Variants in TMLHE observed in about 807,000 individuals in gnomAD.
The protein encoded by TMLHE is trimethyllysine hydroxylase, epsilon, also known as trimethyllysine dioxygenase, mitochondrial.
Under a neutral mutation model 25.7 loss-of-function variants are expected in TMLHE, and 18 were observed. That is an observed-to-expected ratio of 0.70 (90% CI 0.48 to 1.04). The LOEUF (loss-of-function observed/expected upper bound fraction) is 1.04, where lower values mean the gene tolerates loss of function less well. Among genes scored for constraint, TMLHE ranks in the 50% least tolerant of loss-of-function variants. TMLHE has a pLI of 0.00. For missense variants in TMLHE, 236 were observed against 259.0 expected (o/e 0.91, Z 0.61); for synonymous variants, 105 against 97.0 (o/e 1.08, Z -0.49).
intron 1 of TMLHE, among the ~76,000 whole-genome samples, chrX:155,576,472 C>G (rs1465946574): frequency 2.7e-5 from 3 of 111,713 alleles, no homozygotes; most frequent in Non-Finnish European, 5.6e-5. Context: ...TCCTATCAAA[C>G]TACCAATGAC....
intron 1 of TMLHE, among the ~76,000 whole-genome samples, chrX:155,559,130 G>A (rs781821099): frequency 2.7e-4 from 30 of 111,011 alleles, no homozygotes; most frequent in Non-Finnish European, 4.7e-4. Context: ...TAATGCCTTC[G>A]ATTACTGAGA....
At chrX:155,555,336 A>G (rs2067443604) in intron 1 of TMLHE, among the ~76,000 whole-genome samples, 1 of 110,667 alleles carries the variant, frequency 9.0e-6, no homozygotes, top group Non-Finnish European at 1.9e-5. Flanking sequence ...TGCAATAAAC[A>G]TATGTGTGCA....
chrX:155,540,031 G>A (rs1484917075), intron 2 of TMLHE, among the ~76,000 whole-genome samples: 1 of 108,452 alleles, frequency 9.2e-6, no homozygotes, highest in Non-Finnish European at 1.9e-5. Flanking sequence ...AGAAAAATGA[G>A]GAGAGCCTAA....
At chrX:155,505,155 A>G (rs1173469946) in intron 6 of TMLHE, among the ~76,000 whole-genome samples, 2 of 111,705 alleles carry the variant, frequency 1.8e-5, no homozygotes, top group Middle Eastern at 4.2e-3. Context: ...TAACTGATGA[A>G]TGAATAGATG....
intron 1 of TMLHE, among the ~76,000 whole-genome samples, chrX:155,549,972 G>A (rs2067403428): frequency 9.1e-6 from 1 of 109,935 alleles, no homozygotes; most frequent in Non-Finnish European, 1.9e-5. Context: ...AGAACACGTG[G>A]TGTTTGGTTT....
chrX:155,555,951 T>A (rs1447109751), intron 1 of TMLHE, among the ~76,000 whole-genome samples: 1 of 110,439 alleles, frequency 9.1e-6, no homozygotes, highest in Non-Finnish European at 1.9e-5. Context: ...TGCCCATGCC[T>A]ATGTCCTGAA....
chrX:155,547,290 A>T (rs5940378), intron 1 of TMLHE, among the ~76,000 whole-genome samples: 1 of 83,329 alleles, frequency 1.2e-5, no homozygotes, highest in African/African-American at 4.0e-5. Flanking sequence ...GACTACAGGC[A>T]CCTGCCACCA....
At chrX:155,556,849 G>A (rs1214671891) in intron 1 of TMLHE, among the ~76,000 whole-genome samples, 3 of 111,237 alleles carry the variant, frequency 2.7e-5, no homozygotes, top group Non-Finnish European at 3.8e-5. Flanking sequence ...ACGCCCCGGG[G>A]GGGCCAGTTC....
intron 2 of TMLHE, among the ~76,000 whole-genome samples, chrX:155,526,945 A>G (rs1557336536): frequency 8.9e-6 from 1 of 112,485 alleles, no homozygotes; most frequent in Non-Finnish European, 1.9e-5. Context: ...GAAGTAACAA[A>G]CTTGTTTTTG....
chrX:155,555,260 C>T (rs2124435833), intron 1 of TMLHE, among the ~76,000 whole-genome samples: 1 of 110,720 alleles, frequency 9.0e-6, no homozygotes, highest in African/African-American at 3.3e-5. Flanking sequence ...ACCAAATTTT[C>T]TTAATCCAGT....
chrX:155,592,210 G>A (rs2067697390), intron 1 of TMLHE, among the ~76,000 whole-genome samples: 1 of 111,506 alleles, frequency 9.0e-6, no homozygotes, highest in African/African-American at 3.3e-5. Flanking sequence ...GAGGGGACTG[G>A]GGAGATGTTG....
At chrX:155,555,511 C>A (rs1282455470) in intron 1 of TMLHE, among the ~76,000 whole-genome samples, 2 of 110,479 alleles carry the variant, frequency 1.8e-5, no homozygotes, top group Non-Finnish European at 3.8e-5. Context: ...AAAAGTGTTC[C>A]TATTTCTCCA....
intron 2 of TMLHE, among the ~76,000 whole-genome samples, chrX:155,526,565 G>A (rs1188911148): frequency 8.9e-6 from 1 of 112,380 alleles, no homozygotes; most frequent in African/African-American, 3.2e-5. Context: ...CTAGGGCACT[G>A]CCTAGTGGAA....
chrX:155,551,852 T>A (rs896019632), intron 1 of TMLHE, among the ~76,000 whole-genome samples: 1 of 110,407 alleles, frequency 9.1e-6, no homozygotes, highest in African/African-American at 3.4e-5. Flanking sequence ...TTTTTTGGAA[T>A]GTTGGATATT....
At chrX:155,526,495 C>A (rs1557336468) in intron 2 of TMLHE, among the ~76,000 whole-genome samples, 1 of 112,682 alleles carries the variant, frequency 8.9e-6, no homozygotes, top group Non-Finnish European at 1.9e-5. Context: ...TCATGAAGAA[C>A]CTCTACTAGG....
chrX:155,583,840 T>C (rs1473076940), intron 1 of TMLHE, among the ~76,000 whole-genome samples: 1 of 111,193 alleles, frequency 9.0e-6, no homozygotes. Flanking sequence ...TGAGAAATTA[T>C]TTAATGAGTA....
chrX:155,559,457 T>C (rs1557341379), intron 1 of TMLHE, among the ~76,000 whole-genome samples: 1 of 111,608 alleles, frequency 9.0e-6, no homozygotes, highest in Non-Finnish European at 1.9e-5. Flanking sequence ...AATAGAATAA[T>C]TTGCTGTTTC....
At chrX:155,527,913 G>T (rs190649615) in intron 2 of TMLHE, among the ~76,000 whole-genome samples, 27 of 111,508 alleles carry the variant, frequency 2.4e-4, no homozygotes, top group Admixed American at 2.3e-3. Flanking sequence ...AGCATAAAAG[G>T]ATTAATATCC....
intron 1 of TMLHE, among the ~76,000 whole-genome samples, chrX:155,549,353 G>C (rs782563809): frequency 3.6e-5 from 4 of 110,313 alleles, no homozygotes; most frequent in South Asian, 7.5e-4. Flanking sequence ...CATGTTTTTG[G>C]ATTTTTTTGT....
Sources: allele counts gnomAD v4.1 joint callset (sites outside exome capture counted in the v4.1 genomes callset), GRCh38; gene constraint gnomAD v4.1.1; transcripts MANE v1.5; gene names NCBI Gene and HGNC (gene_info 2026-07-23, HGNC 2026-07-21).